CALN1: variants seen among roughly 807,000 people sequenced by gnomAD.
CALN1 encodes calcium-binding protein 8.
A neutral mutation model predicts 30.6 loss-of-function variants in CALN1; 17 were observed. The ratio of observed to expected loss-of-function variants is 0.56; its 90% CI spans 0.38 to 0.83. The LOEUF (loss-of-function observed/expected upper bound fraction) is 0.83, where lower values mean the gene tolerates loss of function less well. CALN1 is among the 40% of genes least tolerant of loss of function. The pLI is 0.00. For missense variants in CALN1, 291 were observed against 354.9 expected (o/e 0.82, Z 1.45); for synonymous variants, 156 against 131.4 (o/e 1.19, Z -1.28).
chr7:72,372,975 C>G (rs1053451004), intron 2 of CALN1, among the ~76,000 whole-genome samples: 4 of 152,030 alleles, frequency 2.6e-5, no homozygotes, highest in African/African-American at 9.7e-5. Flanking sequence ...AAAAAGGTAG[C>G]TACCATAAAA....
chr7:72,054,438 T>TATATAC (rs1563015373), intron 4 of CALN1, among the ~76,000 whole-genome samples: 5 of 48,914 alleles, frequency 1.0e-4, no homozygotes, highest in African/African-American at 4.1e-4. Flanking sequence ...TACACGTATA[T>TATATAC]ATATATATAC....
intron 3 of CALN1, among the ~76,000 whole-genome samples, chr7:72,150,574 G>A (rs1201004411): frequency 2.0e-5 from 3 of 152,194 alleles, no homozygotes; most frequent in Non-Finnish European, 2.9e-5. Context: ...GGAATGGAGT[G>A]GCAGAGCTGC....
chr7:72,335,467 C>T (rs1035538455), intron 2 of CALN1, among the ~76,000 whole-genome samples: 2 of 152,358 alleles, frequency 1.3e-5, no homozygotes, highest in Middle Eastern at 3.4e-3. Context: ...GTCATCCCAA[C>T]TCTGTCGCAG....
chr7:72,014,747 G>A (rs1465883471), intron 5 of CALN1, among the ~76,000 whole-genome samples: 4 of 151,820 alleles, frequency 2.6e-5, no homozygotes, highest in Non-Finnish European at 5.9e-5. Flanking sequence ...CTGCAGCCTC[G>A]ACCTCCCAGG....
At chr7:72,216,427 T>C (rs1367119747) in intron 3 of CALN1, among the ~76,000 whole-genome samples, 1 of 151,032 alleles carries the variant, frequency 6.6e-6, no homozygotes, top group East Asian at 1.9e-4. Flanking sequence ...AAAAAAACAT[T>C]AAAGATAAAT....
intron 1 of CALN1, among the ~76,000 whole-genome samples, chr7:72,439,203 A>T (rs1300648872): frequency 2.6e-5 from 4 of 152,068 alleles, no homozygotes; most frequent in South Asian, 2.1e-4. Flanking sequence ...GTTAATTTTT[A>T]AAATTATTTA....
At chr7:72,038,847 C>T (rs933716860) in intron 4 of CALN1, among the ~76,000 whole-genome samples, 1 of 152,160 alleles carries the variant, frequency 6.6e-6, no homozygotes, top group Non-Finnish European at 1.5e-5. Context: ...ATAAATAATC[C>T]ACCCCTGGTT....
intron 2 of CALN1, among the ~76,000 whole-genome samples, chr7:72,366,428 G>A (rs1333682719): frequency 2.6e-5 from 4 of 151,914 alleles, no homozygotes; most frequent in South Asian, 2.1e-4. Context: ...CACCTGCCTC[G>A]GCCTCCCAAA....
chr7:72,238,451 A>ATTTATTCCCTAGCAACAC (rs1794619486), intron 3 of CALN1, among the ~76,000 whole-genome samples: 1 of 152,066 alleles, frequency 6.6e-6, no homozygotes, highest in Non-Finnish European at 1.5e-5. Context: ...TATTTAATGA[A>ATTTATTCCCTAGCAACAC]TTTATTCCCT....
intron 5 of CALN1, among the ~76,000 whole-genome samples, chr7:71,950,494 A>AC (rs1476316377): frequency 6.6e-6 from 1 of 152,058 alleles, no homozygotes; most frequent in Non-Finnish European, 1.5e-5. Context: ...CCAATCCATC[A>AC]CCACGGTCCT....
intron 5 of CALN1, among the ~76,000 whole-genome samples, chr7:71,854,431 G>A (rs550332874): frequency 6.6e-6 from 1 of 152,112 alleles, no homozygotes; most frequent in Admixed American, 6.6e-5. Context: ...GCATACAAAA[G>A]AGATATCAAT....
At chr7:71,797,664 A>G (rs1468858661) in intron 6 of CALN1, among the ~76,000 whole-genome samples, 1 of 152,100 alleles carries the variant, frequency 6.6e-6, no homozygotes, top group Non-Finnish European at 1.5e-5. Flanking sequence ...TAGACCCCAG[A>G]CAGCTGTGTT....
chr7:72,239,401 A>G (rs967143322), intron 3 of CALN1, among the ~76,000 whole-genome samples: 19 of 151,984 alleles, frequency 1.3e-4, no homozygotes, highest in African/African-American at 4.4e-4. Context: ...GTCCCTAAAA[A>G]TAAATAAATA....
intron 2 of CALN1, chr7:72,337,070 G>GC: frequency 2.0e-6 from 2 of 985,668 alleles, no homozygotes; most frequent in Non-Finnish European, 1.2e-6. Context: ...GCTCCCGCTG[G>GC]CCGCGCGGGT....
chr7:72,467,458 C>T, the CALN1 span, among the ~76,000 whole-genome samples: 5 of 152,152 alleles, frequency 3.3e-5, no homozygotes, highest in Non-Finnish European at 7.4e-5. Flanking sequence ...GGCCAGCCAG[C>T]CAGGTGGAGG....
rs919627327 is a variant in CALN1 at position 72,186,956 on chromosome 7, C to G, written c.245-80662G>C. 2.5e-5 allele frequency among the ~76,000 whole-genome samples: 3 copies of G among 119,866 alleles called. No homozygotes were observed. The Admixed American group carries it at 3.1e-4, about 12-fold the overall frequency. The allele number at this position is 119,866 out of a possible 152,430, so 78.6% of individuals were successfully genotyped here. A position where few individuals can be genotyped will look rare whatever the true frequency, so the allele number is the denominator to read the frequency against. On this transcript the variant is annotated intron_variant, in intron 3 of 6. Coordinates refer to ENST00000395275, the MANE Select transcript of CALN1 (RefSeq NM_031468.4). ...TTGGGTTATATCAGCATTTTCTAAA[C>G]TGTTCTGTAAGATGATATTATGAGT...
chr7:72,101,281 GACCCAA>G (rs1806646437), intron 4 of CALN1, among the ~76,000 whole-genome samples: 1 of 152,162 alleles, frequency 6.6e-6, no homozygotes, highest in Admixed American at 6.5e-5. Flanking sequence ...CAGAATCAAA[GACCCAA>G]AGCCTTCTTA....
At chr7:72,063,436 G>A (rs1170917246) in intron 4 of CALN1, among the ~76,000 whole-genome samples, 2 of 152,132 alleles carry the variant, frequency 1.3e-5, no homozygotes. Flanking sequence ...ATATTGTCCT[G>A]TGAAGATGCA....
At chr7:72,480,241 G>A in the CALN1 span, among the ~76,000 whole-genome samples, 2 of 152,198 alleles carry the variant, frequency 1.3e-5, no homozygotes, top group African/African-American at 2.4e-5. Context: ...TTTTCCGAGA[G>A]TACTTGTCAG....
Sources: allele counts gnomAD v4.1 joint callset (sites outside exome capture counted in the v4.1 genomes callset), GRCh38; gene constraint gnomAD v4.1.1; transcripts MANE v1.5; gene names NCBI Gene and HGNC (gene_info 2026-07-23, HGNC 2026-07-21).